The following FAM200B variants were observed in gnomAD, a reference collection of about 807,000 sequenced individuals.
FAM200B encodes protein FAM200B.
FAM200B carries 32 observed loss-of-function variants against 33.1 expected under a neutral mutation model. That is an observed-to-expected ratio of 0.97 (90% CI 0.73 to 1.30). The LOEUF (loss-of-function observed/expected upper bound fraction) is 1.30, where lower values mean the gene tolerates loss of function less well. Ranked by LOEUF, FAM200B falls within the 50% of genes most tolerant of loss-of-function variation. The pLI is 0.00. For synonymous variants in FAM200B, 240 were observed against 264.8 expected, an observed-to-expected ratio of 0.91 and a Z score of 0.91; for missense variants, 741 against 754.0, an observed-to-expected ratio of 0.98 and a Z score of 0.20.
the FAM200B span, chr4:15,638,742 A>C: frequency 8.4e-7 from 1 of 1,195,726 alleles, no homozygotes; most frequent in Non-Finnish European, 1.2e-6. Context: ...ATTCGTGTTG[A>C]TTTACTCTAA....
chr4:15,655,997 C>T, the FAM200B span, among the ~76,000 whole-genome samples: 1 of 152,208 alleles, frequency 6.6e-6, no homozygotes, highest in African/African-American at 2.4e-5. Flanking sequence ...GGGCAGAGAC[C>T]GCGAGAGAGA....
At chr4:15,664,492 ACT>A in the FAM200B span, among the ~76,000 whole-genome samples, 1 of 150,352 alleles carries the variant, frequency 6.7e-6, no homozygotes, top group African/African-American at 2.5e-5. Flanking sequence ...AGTTAAATAT[ACT>A]GTTTATTTTA....
At chr4:15,647,811 C>G in the FAM200B span, among the ~76,000 whole-genome samples, 1 of 152,202 alleles carries the variant, frequency 6.6e-6, no homozygotes, top group South Asian at 2.1e-4. Flanking sequence ...TCAGTTTCTT[C>G]ATCTGTAAAA....
the FAM200B span, among the ~76,000 whole-genome samples, chr4:15,663,240 A>T: frequency 6.6e-6 from 1 of 152,352 alleles, no homozygotes; most frequent in South Asian, 2.1e-4. Flanking sequence ...GTCATTCATT[A>T]TTGAAAAACT....
intron 1 of FAM200B, among the ~76,000 whole-genome samples, chr4:15,682,420 A>G (rs1434191138): frequency 3.3e-5 from 5 of 152,196 alleles, no homozygotes; most frequent in African/African-American, 1.2e-4. Flanking sequence ...TCACCACTGA[A>G]TTGGAGAAAT....
At chr4:15,662,898 C>T in the FAM200B span, among the ~76,000 whole-genome samples, 1 of 152,152 alleles carries the variant, frequency 6.6e-6, no homozygotes, top group Non-Finnish European at 1.5e-5. Flanking sequence ...ATTGTTACTA[C>T]CAGATCTTTG....
the FAM200B span, among the ~76,000 whole-genome samples, chr4:15,660,136 T>A: frequency 6.6e-6 from 1 of 151,962 alleles, no homozygotes; most frequent in South Asian, 2.1e-4. Flanking sequence ...TGGAGTGCAG[T>A]GGCACAAACA....
the FAM200B span, among the ~76,000 whole-genome samples, chr4:15,637,555 C>T: frequency 6.6e-6 from 1 of 152,112 alleles, no homozygotes. Flanking sequence ...AAATATAATA[C>T]AGCTACAATT....
At chr4:15,640,767 C>A in the FAM200B span, 2 of 1,353,910 alleles carry the variant, frequency 1.5e-6, no homozygotes. Flanking sequence ...ATCTAAATCA[C>A]GAAAGAAAAA....
chr4:15,660,279 C>G, the FAM200B span, among the ~76,000 whole-genome samples: 3 of 152,074 alleles, frequency 2.0e-5, no homozygotes, highest in African/African-American at 7.2e-5. Context: ...GGTGCAGTCT[C>G]ATGATGTTGC....
At chr4:15,647,526 A>G in the FAM200B span, among the ~76,000 whole-genome samples, 1 of 152,192 alleles carries the variant, frequency 6.6e-6, no homozygotes, top group Admixed American at 6.5e-5. Context: ...AGTTAAGAAA[A>G]ATAATATATT....
At chr4:15,683,073 A>G (rs1718483893) in intron 1 of FAM200B, among the ~76,000 whole-genome samples, 1 of 152,246 alleles carries the variant, frequency 6.6e-6, no homozygotes, top group South Asian at 2.1e-4. Context: ...ATCTTAGGAT[A>G]TAAAAGATTA....
chr4:15,690,117 C>T lies in FAM200B; in HGVS notation c.*1166C>T, dbSNP rs1424400551. ...TGTGGCAAATTTCTTTGCCTTTTTACTTTTAAAAATCTAATTTTGACATAA... is the reference window on the plus strand; with the variant it reads ...TGTGGCAAATTTCTTTGCCTTTTTATTTTTAAAAATCTAATTTTGACATAA... On this transcript the variant is annotated 3_prime_UTR_variant, in exon 2 of 2. Coordinates refer to ENST00000422728, the MANE Select transcript of FAM200B (RefSeq NM_001145191.2). 1.2e-5 allele frequency: 2 copies of T among 167,034 alleles called. No homozygotes were observed. Among genetic ancestry groups the T allele is most frequent in the African/African-American group, 4.8e-5 (2 of 41,428 alleles). The allele number at this position is 167,034 out of a possible 1,614,324, so 10.3% of individuals were successfully genotyped here. A position where few individuals can be genotyped will look rare whatever the true frequency, so the allele number is the denominator to read the frequency against.
chr4:15,673,205 C>T, the FAM200B span, among the ~76,000 whole-genome samples: 5 of 152,030 alleles, frequency 3.3e-5, no homozygotes, highest in Non-Finnish European at 5.9e-5. Flanking sequence ...TTTGGGAGGC[C>T]GAGGTAGCTG....
chr4:15,659,451 T>C, the FAM200B span, among the ~76,000 whole-genome samples: 1 of 152,220 alleles, frequency 6.6e-6, no homozygotes, highest in Non-Finnish European at 1.5e-5. Flanking sequence ...GGGTACTGGG[T>C]AAGATTCAGT....
the FAM200B span, among the ~76,000 whole-genome samples, chr4:15,666,241 G>A: frequency 6.6e-6 from 1 of 151,856 alleles, no homozygotes; most frequent in African/African-American, 2.4e-5. Flanking sequence ...ACCACAAAAA[G>A]TTAAAAAATT....
the FAM200B span, among the ~76,000 whole-genome samples, chr4:15,642,604 C>T: frequency 6.6e-6 from 1 of 152,142 alleles, no homozygotes; most frequent in Admixed American, 6.5e-5. Context: ...TTTTCCAGAA[C>T]TAATTTATTC....
the FAM200B span, among the ~76,000 whole-genome samples, chr4:15,645,731 T>C: frequency 4.9e-4 from 74 of 152,190 alleles, no homozygotes; most frequent in Non-Finnish European, 9.3e-4. Flanking sequence ...CCGGCCTACT[T>C]TTCTTTCTTA....
At chr4:15,645,424 TTTTC>T in the FAM200B span, among the ~76,000 whole-genome samples, 136 of 152,202 alleles carry the variant, frequency 8.9e-4, no homozygotes, top group East Asian at 3.9e-4. Context: ...GGTAAGTTAC[TTTTC>T]TTTCTTTCTT....
Sources: gnomAD v4.1 joint callset for allele counts (sites outside exome capture counted in the v4.1 genomes callset) on GRCh38, gnomAD v4.1.1 for gene constraint, MANE v1.5 for transcripts, NCBI Gene and HGNC (gene_info 2026-07-23, HGNC 2026-07-21) for gene names.